Variants in GLT8D1 observed in about 807,000 individuals in gnomAD.
GLT8D1 encodes glycosyltransferase 8 domain containing 1.
A neutral mutation model predicts 46.2 loss-of-function variants in GLT8D1; 41 were observed. That is an observed-to-expected ratio of 0.89 (90% confidence interval 0.69 to 1.15). The LOEUF is 1.15. Among genes scored for constraint, GLT8D1 ranks in the 50% most tolerant of loss-of-function variants. GLT8D1 has a pLI of 0.00. For synonymous variants in GLT8D1, 150 were observed against 154.2 expected (o/e 0.97, Z 0.20); for missense variants, 408 against 449.3 (o/e 0.91, Z 0.83).
rs2097333064 is a variant in GLT8D1 at position 52,696,051 on chromosome 3, C to T, written c.533-11G>A. ...GGGCAAGAATATCACCTGAAATAGACAAGATGTTAAGATTTACATTTCCGT... is the reference window on the plus strand; with the variant it reads ...GGGCAAGAATATCACCTGAAATAGATAAGATGTTAAGATTTACATTTCCGT... On this transcript the variant is annotated splice_polypyrimidine_tract_variant and intron_variant, in intron 6 of 9. Coordinates refer to ENST00000266014, the MANE Select transcript of GLT8D1 (RefSeq NM_018446.4). The T allele has an allele frequency of 2.6e-6, 4 of 1,519,200 alleles. No homozygotes were observed. The highest frequency in any genetic ancestry group is 1.1e-5 in the South Asian group (1 of 88,822). The allele number at this position is 1,519,200 out of a possible 1,614,324, so 94.1% of individuals were successfully genotyped here.
chr3:52,700,890 C>T (rs2097338765), intron 1 of GLT8D1, among the ~76,000 whole-genome samples: 1 of 151,876 alleles, frequency 6.6e-6, no homozygotes, highest in South Asian at 2.1e-4. Context: ...GGTGAAACCT[C>T]GTCTCTACTA....
chr3:52,700,104 T>A (rs1315030537), intron 3 of GLT8D1, among the ~76,000 whole-genome samples, 158 bp downstream of exon 3: 1 of 152,234 alleles, frequency 6.6e-6, no homozygotes, highest in African/African-American at 2.4e-5. Context: ...GAGGCTCTCC[T>A]AAGGCCTCTG....
Position 52,697,816 on chromosome 3 carries a change from C to T in GLT8D1, c.234G>A (p.Gly78=). ...TGCTGTTTATAGCTGCAATGGCCCC[C>T]CCAAGCCTGTCTTCAGATGCAGCGA... is the stretch of plus-strand genomic sequence containing the variant. ...VVIAASEDRL[G]GAIAAINSIQ... Residue 78 remains glycine, a synonymous_variant, in exon 4 of 10, where the codon GGG becomes GGA. Transcript: ENST00000266014. The T allele has an allele frequency of 6.2e-7, 1 of 1,613,822 alleles. No individual in the cohort carries two copies. Among genetic ancestry groups the T allele is most frequent in the Non-Finnish European group, 8.5e-7 (1 of 1,179,682 alleles).
intron 3 of GLT8D1, among the ~76,000 whole-genome samples, chr3:52,698,609 A>G (rs2097336401): frequency 6.6e-6 from 1 of 151,776 alleles, no homozygotes. Context: ...TGAACTCGGG[A>G]GGTGGAGGTT....
In GLT8D1 at chr3:52,705,769, G is replaced by C; in HGVS notation, c.-359C>G. On this transcript the variant is annotated 5_prime_UTR_variant, in exon 1 of 10. Coordinates refer to ENST00000266014, the MANE Select transcript of GLT8D1 (RefSeq NM_018446.4). ...CCAGCCCGCAGCGGTAACCGCTAGA[G>C]CGTCGCGCCAAGCAGGCGCCGCGGG... 2 of 1,153,184 alleles carry C rather than the reference G, an allele frequency of 1.7e-6. No individual in the cohort carries two copies. Among genetic ancestry groups the C allele is most frequent in the African/African-American group, 1.6e-5 (1 of 61,604 alleles). The allele number at this position is 1,153,184 out of a possible 1,614,324, so 71.4% of individuals were successfully genotyped here. A position where few individuals can be genotyped will look rare whatever the true frequency, so the allele number is the denominator to read the frequency against.
intron 1 of GLT8D1, chr3:52,704,073 T>C (rs1440471568): frequency 6.6e-6 from 1 of 151,980 alleles, no homozygotes; most frequent in East Asian, 1.9e-4. Flanking sequence ...GTCCCTTATG[T>C]AAAATGGCAT....
At chr3:52,705,309 C>A (rs1430502331) in intron 1 of GLT8D1, 138 bp downstream of exon 1, 1 of 152,356 alleles carries the variant, frequency 6.6e-6, no homozygotes. Flanking sequence ...GTTCGGGAGC[C>A]CCCAGATGAG....
At chr3:52,697,969 T>C (rs1220118864) in intron 3 of GLT8D1, 35 bp from the exon 4 acceptor site, 1 of 1,323,480 alleles carries the variant, frequency 7.6e-7, no homozygotes, top group Non-Finnish European at 1.1e-6. Flanking sequence ...GATTACAATC[T>C]CATGGGCTTT....
chr3:52,700,552 A>C, intron 1 of GLT8D1, 56 bp from the exon 2 acceptor site: 1 of 763,744 alleles, frequency 1.3e-6, no homozygotes, highest in Non-Finnish European at 2.2e-6. Flanking sequence ...GGGACATCAA[A>C]ATGCCCTAAC....
intron 3 of GLT8D1, among the ~76,000 whole-genome samples, chr3:52,699,101 T>C (rs1235653460): frequency 6.6e-6 from 1 of 152,122 alleles, no homozygotes; most frequent in African/African-American, 2.4e-5. Flanking sequence ...AGTTTATATA[T>C]AGTACAATCT....
intron 3 of GLT8D1, 32 bp from the exon 4 acceptor site, chr3:52,697,966 A>G (rs1578589178): frequency 7.5e-7 from 1 of 1,336,372 alleles, no homozygotes; most frequent in Non-Finnish European, 1.1e-6. Flanking sequence ...TGTGATTACA[A>G]TCTCATGGGC....
Position 52,695,086 on chromosome 3 carries a change from CA to C in GLT8D1, c.926-52del, listed in dbSNP as rs751637576. ...CATCGTTGCGCCATGTGAAATTGTGCAGAAAACTTACTTAAGGGAAACAAAG... is the reference window on the plus strand; with the variant it reads ...CATCGTTGCGCCATGTGAAATTGTGCGAAAACTTACTTAAGGGAAACAAAG... On this transcript the variant is annotated intron_variant, in intron 9 of 9. Transcript: ENST00000266014. The C allele has an allele frequency of 2.7e-5, 40 of 1,486,848 alleles. No individual in the cohort carries two copies. The Admixed American group carries it at 6.7e-4, about 25-fold the overall frequency. The allele number at this position is 1,486,848 out of a possible 1,614,324, so 92.1% of individuals were successfully genotyped here.
chr3:52,701,052 G>A (rs2097338936), intron 1 of GLT8D1, among the ~76,000 whole-genome samples: 2 of 152,080 alleles, frequency 1.3e-5, no homozygotes, highest in Admixed American at 6.6e-5. Context: ...GCGACAGAGT[G>A]AGACTCTGTC....
Position 52,705,752 on chromosome 3 carries a change from C to A in GLT8D1, c.-342G>T. 1 of 1,000,842 alleles carries A rather than the reference C, an allele frequency of 1.0e-6. No homozygotes were observed. Among genetic ancestry groups the A allele is most frequent in the Non-Finnish European group, 1.3e-6 (1 of 776,272 alleles). 62.0% of individuals were successfully genotyped at this position (1,000,842 alleles called of 1,614,324 possible). On this transcript the variant is annotated 5_prime_UTR_variant, in exon 1 of 10. Coordinates refer to ENST00000266014, the MANE Select transcript of GLT8D1 (RefSeq NM_018446.4). The stretch of plus-strand genomic sequence containing the variant: ...AGCCCCACTACGCCCAGCCAGCCCG[C>A]AGCGGTAACCGCTAGAGCGTCGCGC...
At chr3:52,698,409 T>C (rs988270926) in intron 3 of GLT8D1, among the ~76,000 whole-genome samples, 1 of 152,122 alleles carries the variant, frequency 6.6e-6, no homozygotes, top group African/African-American at 2.4e-5. Flanking sequence ...AGGCCGGGCA[T>C]GGTAGGTCAC....
At position 52,697,757 on chromosome 3, in the gene GLT8D1, T is replaced by A. The variant is rs1490838150; in HGVS notation, c.293A>T (p.Tyr98Phe). 6.2e-7 allele frequency: 1 copy of A among 1,613,568 alleles called. No homozygotes were observed. The highest frequency in any genetic ancestry group is 8.5e-7 in the Non-Finnish European group (1 of 1,179,542). ...QHNTRSNVIF[Y>F]IVTLNNTADH... ...TGCTGTATTGTTGAGAGTAACAATG[T>A]AGAAAATCACATTGGAGCGAGTGTT... The change falls in exon 4 of 10, where the codon TAC (tyrosine) becomes TTC (phenylalanine). Residue 98 changes from tyrosine to phenylalanine, a missense_variant. By Grantham distance (22) the Tyr-to-Phe change is conservative (BLOSUM62 3). Coordinates refer to ENST00000266014, the MANE Select transcript of GLT8D1 (RefSeq NM_018446.4).
chr3:52,703,662 T>C (rs1337177216), intron 1 of GLT8D1: 2 of 152,082 alleles, frequency 1.3e-5, no homozygotes, highest in Non-Finnish European at 1.5e-5. Context: ...TTTCTTGACT[T>C]CCAGTTAGCA....
chr3:52,700,564 C>CA, intron 1 of GLT8D1, 68 bp from the exon 2 acceptor site: 4 of 535,688 alleles, frequency 7.5e-6, no homozygotes, highest in African/African-American at 2.0e-5. Flanking sequence ...TGCCCTAACA[C>CA]TTTTTTTTTT....
chr3:52,702,850 C>T (rs184662871), intron 1 of GLT8D1, among the ~76,000 whole-genome samples: 6 of 150,996 alleles, frequency 4.0e-5, no homozygotes, highest in Middle Eastern at 3.4e-3. Flanking sequence ...GCAGTGGTGC[C>T]GTCTTGGCTC....
Sources: gnomAD v4.1 joint callset for allele counts (sites outside exome capture counted in the v4.1 genomes callset) on GRCh38, gnomAD v4.1.1 for gene constraint, MANE v1.5 for transcripts, NCBI Gene and HGNC (gene_info 2026-07-23, HGNC 2026-07-21) for gene names.